FLT4: variants seen among roughly 807,000 people sequenced by gnomAD.
The protein encoded by FLT4 is fms related receptor tyrosine kinase 4.
In FLT4, 30 loss-of-function variants were observed where a neutral mutation model predicts 163.2. That is an observed-to-expected ratio of 0.18 (90% CI 0.14 to 0.25). FLT4 has a LOEUF of 0.25. FLT4 is among the 10% of genes least tolerant of loss of function. FLT4 has a pLI of 1.00. For missense variants in FLT4, 1,510 were observed against 1,863.8 expected (o/e 0.81, Z 3.50); for synonymous variants, 884 against 789.5 (o/e 1.12, Z -2.01).
At chr5:180,641,048 C>T (rs1176492850) in intron 1 of FLT4, among the ~76,000 whole-genome samples, 3 of 152,178 alleles carry the variant, frequency 2.0e-5, no homozygotes, top group South Asian at 4.1e-4. Context: ...GCCCTGCCCT[C>T]GCCTTGCCAT....
Position 180,630,690 on chromosome 5 carries a change from C to T in FLT4, c.265G>A (p.Ala89Thr), listed in dbSNP as rs767952525. The T allele has an allele frequency of 2.2e-5, 36 of 1,612,858 alleles. 1 individual carries two copies. In the South Asian group the frequency reaches 2.3e-4, roughly 10 times the overall value. The change falls in exon 3 of 30, where the codon GCC becomes ACC. Residue 89 changes from alanine (A) to threonine (T), a missense_variant. Ala to Thr is a moderately conservative substitution (Grantham distance 58). Coordinates refer to ENST00000261937, the MANE Select transcript of FLT4 (RefSeq NM_182925.5). The surrounding 1 kb of genome is among the most constrained non-coding windows in gnomAD (Gnocchi z 6.3). The stretch of plus-strand genomic sequence containing the variant: ...AGCAACACCTTGCAGTAGGGCCTGG[C>T]GTCTGTGCCCTCGCAGTCTCGCACC... ...GVVRDCEGTD[A>T]RPYCKVLLLH...
Position 180,616,401 on chromosome 5 carries a change from A to G in FLT4, c.3185T>C (p.Ile1062Thr). ...KICDFGLARD[I>T]YKDPDYVRKG... ...GCGGACGTAGTCGGGGTCTTTGTAG[A>G]TGTCCCGGGCAAGGCCAAAGTCACA... The change falls in exon 23 of 30, where the codon ATC becomes ACC. Residue 1062 changes from isoleucine (I) to threonine (T), a missense_variant. Ile to Thr is a moderately conservative substitution (Grantham distance 89). Around this residue, in one of 5 missense-constraint regions of FLT4, gnomAD observed 878 missense variants for 1,016.7 expected, o/e 0.86. Transcript: ENST00000261937. 1.2e-6 allele frequency: 2 copies of G among 1,613,958 alleles called. No homozygotes were observed. Among genetic ancestry groups the G allele is most frequent in the South Asian group, 2.2e-5 (2 of 91,078 alleles).
rs199582492 is a variant in FLT4, at chr5:180,630,583, C to T, written c.372G>A (p.Thr124=). 1.6e-5 allele frequency: 26 copies of T among 1,612,972 alleles called. No homozygotes were observed. The highest frequency in any genetic ancestry group is 9.3e-5 in the African/African-American group (7 of 75,024). Residue 124 remains threonine (T), a synonymous_variant, in exon 3 of 30, where the codon ACG becomes ACA. Coordinates refer to ENST00000261937, the MANE Select transcript of FLT4 (RefSeq NM_182925.5). This position sits in a 1 kb window ranked among gnomAD's most constrained non-coding sequence, Gnocchi z 6.3. Reference sequence around the variant, plus strand: ...TCACGAACACGTAGGAGCTGGCGGCCGTGGTGCCCTCGATGCGTGCCTTGA... The same window carrying T: ...TCACGAACACGTAGGAGCTGGCGGCTGTGGTGCCCTCGATGCGTGCCTTGA... ...KYIKARIEGT[T]AASSYVFVRD...
At chr5:180,622,681 C>T (rs767022769) in intron 12 of FLT4, 50 bp downstream of exon 12, 1 of 1,163,904 alleles carries the variant, frequency 8.6e-7, no homozygotes, top group Non-Finnish European at 1.3e-6. Flanking sequence ...CCAAACCTGC[C>T]CCCTCCTGAC....
intron 29 of FLT4, among the ~76,000 whole-genome samples, chr5:180,606,011 C>G (rs762994925): frequency 5.3e-5 from 8 of 152,158 alleles, no homozygotes; most frequent in African/African-American, 1.4e-4. Flanking sequence ...CCACACCCCA[C>G]CAAGGCACAT....
At chr5:180,612,864 G>A (rs1193882308) in intron 25 of FLT4, 147 bp downstream of exon 25, 10 of 697,868 alleles carry the variant, frequency 1.4e-5, no homozygotes, top group Admixed American at 6.4e-5. Flanking sequence ...GTGCAGCTGT[G>A]CTACAGACTA....
chr5:180,609,704 C>T lies in FLT4; in HGVS notation c.3807+201G>A, dbSNP rs576794668. ...GAGGGGAGGCCTCGTGTGGGGGTGACGAGGGCATAGGACAGAAAGCAGCTG... is the reference window on the plus strand; with the variant it reads ...GAGGGGAGGCCTCGTGTGGGGGTGATGAGGGCATAGGACAGAAAGCAGCTG... On this transcript the variant is annotated intron_variant, in intron 28 of 29. Coordinates refer to ENST00000261937, the MANE Select transcript of FLT4 (RefSeq NM_182925.5). 1.8e-4 allele frequency: 111 copies of T among 616,278 alleles called. 1 individual carries two copies. Among genetic ancestry groups the T allele is most frequent in the African/African-American group, 1.7e-3 (92 of 54,930 alleles). 38.2% of individuals were successfully genotyped at this position (616,278 alleles called of 1,614,324 possible). A position where few individuals can be genotyped will look rare whatever the true frequency, so the allele number is the denominator to read the frequency against.
At position 180,621,019 on chromosome 5, in the gene FLT4, G is replaced by C; in HGVS notation, c.2168-12C>G. 3.1e-6 allele frequency: 5 copies of C among 1,611,422 alleles called. No individual in the cohort carries two copies. Among genetic ancestry groups the C allele is most frequent in the Non-Finnish European group, 4.2e-6 (5 of 1,178,988 alleles). On this transcript the variant is annotated splice_polypyrimidine_tract_variant and intron_variant, in intron 14 of 29. Coordinates refer to ENST00000261937, the MANE Select transcript of FLT4 (RefSeq NM_182925.5). The stretch of plus-strand genomic sequence containing the variant: ...CGCCAAGTCGACTCCTGCAGGGGGT[G>C]GGGTGGAGGTGCGGGTCCACCTGGG...
At position 180,629,520 on chromosome 5, in the gene FLT4, TCCGGAAGC is replaced by T. The variant is rs1763919992; in HGVS notation, c.817-101_817-94del. 2.0e-6 allele frequency: 3 copies of T among 1,531,084 alleles called. No individual in the cohort carries two copies. In the African/African-American group the frequency reaches 4.1e-5, roughly 21 times the overall value. 94.8% of individuals were successfully genotyped at this position (1,531,084 alleles called of 1,614,324 possible). A position where few individuals can be genotyped will look rare whatever the true frequency, so the allele number is the denominator to read the frequency against. ...ACCTCCCAGCCCAGCCAGCGGTGGC[TCCGGAAGC>T]CCTGGACCCAGGCCCTGAGTTTTCT... On this transcript the variant is annotated intron_variant, in intron 6 of 29. Transcript: ENST00000261937.
intron 2 of FLT4, among the ~76,000 whole-genome samples, chr5:180,631,311 C>A (rs934786320): frequency 3.8e-4 from 58 of 151,956 alleles, no homozygotes; most frequent in African/African-American, 1.2e-3. Context: ...GTCTCTACTA[C>A]AAATACAAAA....
intron 1 of FLT4, among the ~76,000 whole-genome samples, chr5:180,639,814 G>T (rs967394657): frequency 3.5e-4 from 53 of 152,176 alleles, no homozygotes; most frequent in African/African-American, 1.3e-3. Flanking sequence ...GTCTGTCTCT[G>T]CTGTCCTTCC....
At position 180,621,713 on chromosome 5, in the gene FLT4, C is replaced by T. The variant is rs1176988485; in HGVS notation, c.1849G>A (p.Ala617Thr). 4 of 1,612,694 alleles carry T rather than the reference C, an allele frequency of 2.5e-6. No individual in the cohort carries two copies. Among genetic ancestry groups the T allele is most frequent in the Admixed American group, 3.3e-5 (2 of 59,978 alleles). Reference protein sequence around the residue: ...LLDCKNVHLFATPLAASLEEV... With the variant: ...LLDCKNVHLFTTPLAASLEEV... Reference sequence around the variant, plus strand: ...TCCAGGCTGGCGGCCAGAGGGGTGGCGAACAGATGCACGTTCTTGCAGTCG... The same window carrying T: ...TCCAGGCTGGCGGCCAGAGGGGTGGTGAACAGATGCACGTTCTTGCAGTCG... Residue 617 changes from alanine to threonine, a missense_variant, in exon 13 of 30, where the codon GCC becomes ACC. Ala to Thr is a moderately conservative substitution (Grantham distance 58). Coordinates refer to ENST00000261937, the MANE Select transcript of FLT4 (RefSeq NM_182925.5).
intron 27 of FLT4, 66 bp from the exon 28 acceptor site, chr5:180,610,091 C>G: frequency 6.2e-7 from 1 of 1,609,344 alleles, no homozygotes; most frequent in Non-Finnish European, 8.5e-7. Context: ...CTTCTCTCCA[C>G]TGTCCCTGTG....
rs766670016 is a variant in FLT4 at position 180,626,489 on chromosome 5, T to C, written c.1104-224A>G. Among the ~76,000 whole-genome samples, 10 of 152,240 alleles carry C rather than the reference T, an allele frequency of 6.6e-5. No individual in the cohort carries two copies. In the East Asian group the frequency reaches 9.7e-4, roughly 15 times the overall value. On this transcript the variant is annotated intron_variant, in intron 8 of 29. Transcript: ENST00000261937. ...CCGTGTCAGGCGGCCGGCTCGGGCA[T>C]TGGTCACTGAGGTCTGCAGTAGCAC...
rs1763059475 is a variant in FLT4 at position 180,620,667 on chromosome 5, C to A, written c.2348G>T (p.Gly783Val). ...SMEIVILVGTGVIAVFFWVLL... is the reference protein window; with the variant it reads ...SMEIVILVGTVVIAVFFWVLL... ...GACCCAGAAGAAGACAGCGATGACG[C>A]CGGTACCGACAAGGATCACGATCTC... The change falls in exon 16 of 30, where the codon GGC (glycine) becomes GTC (valine). Residue 783 changes from glycine (G) to valine (V), a missense_variant. By Grantham distance (109) the Gly-to-Val change is moderately radical. This residue lies in a region of FLT4 where 878 missense variants were observed against 1,016.7 expected (regional missense o/e 0.86). Coordinates refer to ENST00000261937, the MANE Select transcript of FLT4 (RefSeq NM_182925.5). The surrounding 1 kb of genome is among the most constrained non-coding windows in gnomAD (Gnocchi z 4.4). 6.2e-7 allele frequency: 1 copy of A among 1,613,436 alleles called. No homozygotes were observed. The highest frequency in any genetic ancestry group is 8.5e-7 in the Non-Finnish European group (1 of 1,180,014).
intron 1 of FLT4, among the ~76,000 whole-genome samples, chr5:180,645,413 C>T (rs904239176): frequency 1.3e-5 from 2 of 152,218 alleles, no homozygotes; most frequent in African/African-American, 2.4e-5. Flanking sequence ...GCCGGCAGGA[C>T]GAGCGGCGTT....
At chr5:180,641,482 G>C (rs931478982) in intron 1 of FLT4, among the ~76,000 whole-genome samples, 1 of 152,244 alleles carries the variant, frequency 6.6e-6, no homozygotes, top group Non-Finnish European at 1.5e-5. Context: ...TTTCTGGGCA[G>C]CTGAGCCCAG....
Position 180,621,214 on chromosome 5 carries a change from G to C in FLT4, c.2059C>G (p.Leu687Val), listed in dbSNP as rs139399208. 758 of 1,612,806 alleles carry C rather than the reference G, an allele frequency of 4.7e-4. 4 individuals are homozygous for C. In the African/African-American group the frequency reaches 9.1e-3, roughly 19 times the overall value. Residue 687 changes from leucine (L) to valine (V), a missense_variant, in exon 14 of 30, where the codon CTC (leucine) becomes GTC (valine). Around this residue, in one of 5 missense-constraint regions of FLT4, gnomAD observed 878 missense variants for 1,016.7 expected, o/e 0.86. Coordinates refer to ENST00000261937, the MANE Select transcript of FLT4 (RefSeq NM_182925.5). The part of the protein sequence containing the change: ...APRLTQNLTD[L>V]LVNVSDSLEM... ...AGCGAGTCGCTCACGTTCACCAGGA[G>C]GTCGGTCAAGTTCTGCGTGAGCCGA...
At chr5:180,627,578 C>T (rs544483976) in intron 8 of FLT4, among the ~76,000 whole-genome samples, 324 of 152,294 alleles carry the variant, frequency 2.1e-3, no homozygotes, top group African/African-American at 7.4e-3. Flanking sequence ...AGTCAGTGCT[C>T]GCCATCGTCA....
Sources: allele counts gnomAD v4.1 joint callset (sites outside exome capture counted in the v4.1 genomes callset), GRCh38; gene constraint gnomAD v4.1.1; regional missense constraint gnomAD v4.1.1; non-coding constraint Gnocchi (gnomAD v3.1); transcripts MANE v1.5; gene names NCBI Gene and HGNC (gene_info 2026-07-23, HGNC 2026-07-21).